AZIN1: variants seen among roughly 807,000 people sequenced by gnomAD.
AZIN1 encodes antizyme inhibitor 1.
AZIN1 carries 12 observed loss-of-function variants against 47.4 expected under a neutral mutation model. That is an observed-to-expected ratio of 0.25 (90% CI 0.16 to 0.41). The LOEUF is 0.41. Among genes scored for constraint, AZIN1 ranks in the 10% least tolerant of loss-of-function variants. The pLI is 1.00. For synonymous variants in AZIN1, 155 were observed against 176.3 expected (o/e 0.88, Z 0.96); for missense variants, 410 against 532.4 (o/e 0.77, Z 2.26).
chr8:102,852,043 T>C (rs1019976), intron 2 of AZIN1, among the ~76,000 whole-genome samples: 32,667 of 152,134 alleles, frequency 0.21, 4,075 homozygotes, highest in South Asian at 0.38. Flanking sequence ...GAATTTAGGA[T>C]AGCAAACCTC....
At chr8:102,835,245 T>C (rs910051822) in intron 6 of AZIN1, 1 of 153,524 alleles carries the variant, frequency 6.5e-6, no homozygotes, top group Non-Finnish European at 1.5e-5. Flanking sequence ...AGTTTCAGAA[T>C]AGAATACTTC....
At chr8:102,842,065 C>T (rs1334665251) in intron 3 of AZIN1, among the ~76,000 whole-genome samples, 2 of 151,354 alleles carry the variant, frequency 1.3e-5, no homozygotes, top group African/African-American at 2.4e-5. Flanking sequence ...GAGTTGAGAT[C>T]GCACCACTGC....
At position 102,826,895 on chromosome 8, in the gene AZIN1, G is replaced by A. The variant is rs997447775; in HGVS notation, c.*1672C>T. On this transcript the variant is annotated 3_prime_UTR_variant, in exon 12 of 12. Coordinates refer to ENST00000337198, the MANE Select transcript of AZIN1 (RefSeq NM_148174.4). The stretch of plus-strand genomic sequence containing the variant: ...CATAATATACCTTGGAAAAGTCCAA[G>A]GGCAATTTGATGGCAATGGATTGGG... 3 of 152,524 alleles carry A rather than the reference G, an allele frequency of 2.0e-5. No homozygotes were observed. The highest frequency in any genetic ancestry group is 7.2e-5 in the African/African-American group (3 of 41,432). 9.4% of individuals were successfully genotyped at this position (152,524 alleles called of 1,614,324 possible). A position where few individuals can be genotyped will look rare whatever the true frequency, so the allele number is the denominator to read the frequency against.
chr8:102,845,886 A>T (rs2679747), intron 2 of AZIN1, among the ~76,000 whole-genome samples: 32,643 of 152,104 alleles, frequency 0.21, 4,068 homozygotes, highest in South Asian at 0.38. Context: ...TCTTTTAAGT[A>T]AGAGGTAAAA....
At chr8:102,841,544 T>C (rs559653292) in intron 3 of AZIN1, among the ~76,000 whole-genome samples, 1 of 152,208 alleles carries the variant, frequency 6.6e-6, no homozygotes, top group South Asian at 2.1e-4. Context: ...CAGAAATTGG[T>C]TGACCAATAT....
At chr8:102,847,570 A>AT (rs200379142) in intron 2 of AZIN1, among the ~76,000 whole-genome samples, 23,911 of 141,846 alleles carry the variant, frequency 0.17, 2,044 homozygotes, top group Admixed American at 0.27. Context: ...AATTTTTCCC[A>AT]TTTTTTTTTT....
At chr8:102,857,975 A>T (rs1248946752) in intron 2 of AZIN1, 38 bp downstream of exon 2, 27 of 398,756 alleles carry the variant, frequency 6.8e-5, no homozygotes, top group Non-Finnish European at 2.2e-5. Flanking sequence ...TTCGATTTTA[A>T]AGACCTCCTC....
intron 2 of AZIN1, among the ~76,000 whole-genome samples, chr8:102,846,419 AC>A (rs1474041377): frequency 4.6e-5 from 7 of 152,228 alleles, no homozygotes; most frequent in African/African-American, 1.7e-4. Flanking sequence ...CTTAAATCTA[AC>A]AGTAAACATG....
In AZIN1 at chr8:102,857,081, T is replaced by G. The variant is rs1370683056; in HGVS notation, c.-96+932A>C. Reference sequence around the variant, plus strand: ...TTACACAGGTAGGAGAAAGCCAGTATAGGAAACCCTCTAGCCAACATTCTA... The same window carrying G: ...TTACACAGGTAGGAGAAAGCCAGTAGAGGAAACCCTCTAGCCAACATTCTA... On this transcript the variant is annotated intron_variant, in intron 2 of 11. Transcript: ENST00000337198. Among the ~76,000 whole-genome samples, 5 of 152,346 alleles carry G rather than the reference T, an allele frequency of 3.3e-5. No homozygotes were observed. In the East Asian group the frequency reaches 9.6e-4, roughly 29 times the overall value.
intron 1 of AZIN1, among the ~76,000 whole-genome samples, chr8:102,860,920 T>C (rs1247679864): frequency 3.9e-5 from 6 of 152,156 alleles, no homozygotes; most frequent in Non-Finnish European, 8.8e-5. Context: ...TAGACTGTGA[T>C]GGTAATGAAA....
At chr8:102,829,203 T>G in intron 11 of AZIN1, 69 bp downstream of exon 11, 1 of 1,328,868 alleles carries the variant, frequency 7.5e-7, no homozygotes, top group Non-Finnish European at 1.1e-6. Context: ...ATTACAGAAT[T>G]AAAACTTATT....
At chr8:102,861,120 A>G (rs1813620110) in intron 1 of AZIN1, among the ~76,000 whole-genome samples, 1 of 152,260 alleles carries the variant, frequency 6.6e-6, no homozygotes, top group African/African-American at 2.4e-5. Context: ...ATGTACTGTA[A>G]TAACGTAAGA....
intron 1 of AZIN1, among the ~76,000 whole-genome samples, chr8:102,858,691 T>A (rs1207607289): frequency 6.6e-6 from 1 of 152,242 alleles, no homozygotes; most frequent in Admixed American, 6.5e-5. Context: ...GCATTATATA[T>A]GTATCTAACA....
intron 5 of AZIN1, among the ~76,000 whole-genome samples, chr8:102,838,171 G>A (rs542028448): frequency 1.3e-5 from 2 of 150,608 alleles, no homozygotes; most frequent in African/African-American, 4.9e-5. Flanking sequence ...CCTTTAAAAA[G>A]TAAACTTTCT....
chr8:102,863,256 C>T (rs960065591), intron 1 of AZIN1, among the ~76,000 whole-genome samples: 3 of 152,134 alleles, frequency 2.0e-5, no homozygotes, highest in African/African-American at 7.2e-5. Flanking sequence ...TCCTCCGCAG[C>T]TGTCACCAGA....
intron 1 of AZIN1, among the ~76,000 whole-genome samples, chr8:102,863,242 G>T (rs1019818367): frequency 6.6e-6 from 1 of 151,872 alleles, no homozygotes; most frequent in Non-Finnish European, 1.5e-5. Flanking sequence ...CCAGGAATCC[G>T]ACTTCCTCCG....
Position 102,839,836 on chromosome 8 carries a change from TAAAA to T in AZIN1, c.103-17_103-14del, listed in dbSNP as rs3217408. On this transcript the variant is annotated splice_polypyrimidine_tract_variant and intron_variant, in intron 3 of 11. Coordinates refer to ENST00000337198, the MANE Select transcript of AZIN1 (RefSeq NM_148174.4). ...CATTTTTCCCTGTCTATTATGGTTA[TAAAA>T]AAAAAGACAAATATGAACAAAAAAC... 0.012 allele frequency: 17,672 copies of T among 1,527,782 alleles called. 1,737 individuals carry two copies. In the African/African-American group the frequency reaches 0.21, roughly 18 times the overall value. The allele number at this position is 1,527,782 out of a possible 1,614,324, so 94.6% of individuals were successfully genotyped here.
chr8:102,857,205 T>C (rs1310461036), intron 2 of AZIN1, among the ~76,000 whole-genome samples: 1 of 152,228 alleles, frequency 6.6e-6, no homozygotes, highest in Admixed American at 6.5e-5. Flanking sequence ...TAACATCAAA[T>C]GTTTGCTTAG....
intron 9 of AZIN1, among the ~76,000 whole-genome samples, chr8:102,830,561 A>C (rs1350517104): frequency 6.6e-6 from 1 of 151,834 alleles, no homozygotes; most frequent in African/African-American, 2.4e-5. Flanking sequence ...GGAGTTAAAT[A>C]TGTGTTTGAA....
Sources: allele counts gnomAD v4.1 joint callset (sites outside exome capture counted in the v4.1 genomes callset), GRCh38; gene constraint gnomAD v4.1.1; transcripts MANE v1.5; gene names NCBI Gene and HGNC (gene_info 2026-07-23, HGNC 2026-07-21).